CEP128: variants seen among roughly 807,000 people sequenced by gnomAD.
CEP128 encodes the protein centrosomal protein 128kDa.
Under a neutral mutation model 156.7 loss-of-function variants are expected in CEP128, and 132 were observed. The observed-to-expected ratio is 0.84, with a 90% CI of 0.73 to 0.97. The LOEUF (loss-of-function observed/expected upper bound fraction) is 0.97. Among genes scored for constraint, CEP128 ranks in the 50% least tolerant of loss-of-function variants. CEP128 has a pLI of 0.00. For missense variants in CEP128, 1,252 were observed against 1,281.9 expected (o/e 0.98, Z 0.36); for synonymous variants, 469 against 448.9 (o/e 1.04, Z -0.57).
downstream of CEP128, among the ~76,000 whole-genome samples, chr14:80,489,645 A>G (rs1887256313): frequency 1.3e-5 from 2 of 151,908 alleles, no homozygotes; most frequent in African/African-American, 4.9e-5. Flanking sequence ...AAATTCAAGA[A>G]TACCACCCAC....
chr14:80,564,205 A>C (rs1239781000), intron 20 of CEP128, among the ~76,000 whole-genome samples: 1 of 152,240 alleles, frequency 6.6e-6, no homozygotes, highest in African/African-American at 2.4e-5. Flanking sequence ...TGAAACACCT[A>C]AATTGACATA....
chr14:80,770,620 A>G (rs1295081154), intron 16 of CEP128, among the ~76,000 whole-genome samples: 3 of 152,136 alleles, frequency 2.0e-5, no homozygotes, highest in African/African-American at 7.2e-5. Flanking sequence ...CCATTTTATT[A>G]TTTTTATTAT....
intron 19 of CEP128, among the ~76,000 whole-genome samples, chr14:80,672,824 A>T (rs1895898302): frequency 6.6e-6 from 1 of 152,186 alleles, no homozygotes; most frequent in African/African-American, 2.4e-5. Flanking sequence ...ATATTTACAT[A>T]AAAAATAAGC....
intron 8 of CEP128, among the ~76,000 whole-genome samples, chr14:80,881,247 T>C (rs1888539243): frequency 6.6e-6 from 1 of 152,120 alleles, no homozygotes; most frequent in South Asian, 2.1e-4. Flanking sequence ...ACATTACAAC[T>C]GCTACTGCAG....
intron 19 of CEP128, among the ~76,000 whole-genome samples, chr14:80,720,185 CA>C (rs1246979242): frequency 6.6e-6 from 1 of 151,926 alleles, no homozygotes; most frequent in Non-Finnish European, 1.5e-5. Flanking sequence ...ATAAGAGAAA[CA>C]AAAATAAGGC....
At chr14:80,698,529 C>T (rs1896963541) in intron 19 of CEP128, among the ~76,000 whole-genome samples, 2 of 152,080 alleles carry the variant, frequency 1.3e-5, no homozygotes, top group African/African-American at 2.4e-5. Context: ...CTATAGTATG[C>T]AGCAGAACCA....
At chr14:80,754,058 T>A (rs574607755) in intron 18 of CEP128, among the ~76,000 whole-genome samples, 19 of 152,288 alleles carry the variant, frequency 1.2e-4, no homozygotes, top group Non-Finnish European at 2.5e-4. Context: ...AATATAAATA[T>A]AAGCATGCCA....
At chr14:80,617,730 C>T (rs967765311) in intron 19 of CEP128, among the ~76,000 whole-genome samples, 1 of 151,780 alleles carries the variant, frequency 6.6e-6, no homozygotes, top group African/African-American at 2.4e-5. Context: ...TCTCTTGAGC[C>T]CAGGAGTCGG....
At chr14:80,800,005 C>G (rs1028141539) in intron 13 of CEP128, among the ~76,000 whole-genome samples, 1 of 152,084 alleles carries the variant, frequency 6.6e-6, no homozygotes, top group Non-Finnish European at 1.5e-5. Context: ...AGTAGTTCTG[C>G]TTTTTGCCTT....
At chr14:80,845,873 A>G (rs944654745) in intron 9 of CEP128, among the ~76,000 whole-genome samples, 2 of 152,202 alleles carry the variant, frequency 1.3e-5, no homozygotes, top group African/African-American at 2.4e-5. Context: ...CAGATGGCCT[A>G]GCATAAATTC....
intron 19 of CEP128, among the ~76,000 whole-genome samples, chr14:80,657,215 C>T (rs1895210504): frequency 6.6e-6 from 1 of 151,760 alleles, no homozygotes; most frequent in African/African-American, 2.4e-5. Flanking sequence ...CGAGATTACG[C>T]CACTGCGCTC....
intron 7 of CEP128, among the ~76,000 whole-genome samples, chr14:80,896,359 A>T (rs8016601): frequency 0.56 from 84,732 of 152,052 alleles, 25,565 homozygotes; most frequent in African/African-American, 0.79. Flanking sequence ...CCTTCTGTCT[A>T]GCACTGTCTT....
At chr14:80,880,903 AT>A (rs1888516020) in intron 8 of CEP128, among the ~76,000 whole-genome samples, 1 of 137,258 alleles carries the variant, frequency 7.3e-6, no homozygotes, top group Non-Finnish European at 1.6e-5. Context: ...AATAATAATA[AT>A]AATAATTTCA....
Position 80,743,210 on chromosome 14 carries a change from G to C in CEP128, c.2671C>G (p.Leu891Val). The C allele has an allele frequency of 6.2e-7, 1 of 1,613,608 alleles. No homozygotes were observed. The highest frequency in any genetic ancestry group is 8.5e-7 in the Non-Finnish European group (1 of 1,179,816). ...CTGCAGAGCATCAGCTGGTGTCGCAGATTTTTCTCTCTGTTTTCTCTCTCT... is the reference window on the plus strand; with the variant it reads ...CTGCAGAGCATCAGCTGGTGTCGCACATTTTTCTCTCTGTTTTCTCTCTCT... ...LKERENREKN[L>V]RHQLMLCRQQ... The change falls in exon 19 of 25, where the codon CTG becomes GTG. Residue 891 changes from leucine (L) to valine (V), a missense_variant. By Grantham distance (32) the Leu-to-Val change is conservative (BLOSUM62 1). Transcript: ENST00000555265.
At chr14:80,578,890 T>G (rs1891470549) in intron 20 of CEP128, among the ~76,000 whole-genome samples, 1 of 152,218 alleles carries the variant, frequency 6.6e-6, no homozygotes, top group Admixed American at 6.5e-5. Flanking sequence ...CATTTAACTC[T>G]TCTGCTCTGG....
intron 15 of CEP128, 120 bp from the exon 16 acceptor site, chr14:80,778,166 A>T: frequency 1.3e-6 from 1 of 743,296 alleles, no homozygotes. Flanking sequence ...CAAAGCATTC[A>T]TATATAAATA....
chr14:80,572,085 A>C (rs1665686504), intron 20 of CEP128, among the ~76,000 whole-genome samples: 1 of 152,176 alleles, frequency 6.6e-6, no homozygotes, highest in Admixed American at 6.5e-5. Flanking sequence ...ACAGACCATC[A>C]CCCTTTGGGC....
At position 80,482,379 on chromosome 14, in the gene CEP128, T is replaced by C. The variant is rs138192797; in HGVS notation, c.*311-3972A>G. The stretch of plus-strand genomic sequence containing the variant: ...GTTCTTGACTATTCCAATGCTTGTG[T>C]TGTCCAGAACCATGCAGTGTAGTAT... On this transcript the variant is annotated intron_variant and NMD_transcript_variant, in intron 14 of 14. Coordinates refer to the CEP128 transcript ENST00000554502. Among the ~76,000 whole-genome samples, 523 of 152,346 alleles carry C rather than the reference T, an allele frequency of 3.4e-3. 2 individuals are homozygous for C. The highest frequency in any genetic ancestry group is 3.6e-3 in the Non-Finnish European group (244 of 68,028).
At chr14:80,713,613 G>A (rs1312045539) in intron 19 of CEP128, among the ~76,000 whole-genome samples, 1 of 152,104 alleles carries the variant, frequency 6.6e-6, no homozygotes, top group African/African-American at 2.4e-5. Flanking sequence ...ATCTACACTA[G>A]TGGACTGTAG....
Sources: gnomAD v4.1 joint callset for allele counts (sites outside exome capture counted in the v4.1 genomes callset) on GRCh38, gnomAD v4.1.1 for gene constraint, MANE v1.5 for transcripts, NCBI Gene and HGNC (gene_info 2026-07-23, HGNC 2026-07-21) for gene names.